IGLL5: variants seen among roughly 807,000 people sequenced by gnomAD.
IGLL5 encodes immunoglobulin lambda-like polypeptide 5.
IGLL5 carries 30 observed loss-of-function variants against 20.9 expected under a neutral mutation model. That is an observed-to-expected ratio of 1.44 (90% confidence interval 1.07 to 1.95). The LOEUF (loss-of-function observed/expected upper bound fraction) is 1.95. Ranked by LOEUF, IGLL5 falls within the 30% of genes most tolerant of loss-of-function variation. IGLL5 has a pLI of 0.00. For missense variants in IGLL5, 475 were observed against 270.7 expected (o/e 1.75, Z -5.30); for synonymous variants, 203 against 117.3 (o/e 1.73, Z -4.72).
At position 22,895,617 on chromosome 22, in the gene IGLL5, C is replaced by T. The variant is rs751423735; in HGVS notation, c.568C>T (p.His190Tyr). Residue 190 changes from histidine to tyrosine, a missense_variant, in exon 3 of 3, where the codon CAC (histidine) becomes TAC (tyrosine). Physicochemically the swap from His to Tyr is moderately conservative, Grantham distance 83. Coordinates refer to ENST00000526893, the MANE Select transcript of IGLL5 (RefSeq NM_001178126.2). ...LSLTPEQWKS[H>Y]RSYSCQVTHE... The stretch of plus-strand genomic sequence containing the variant: ...CCTGACGCCCGAGCAGTGGAAGTCC[C>T]ACAGAAGCTACAGCTGCCAGGTCAC... The T allele has an allele frequency of 3.1e-6, 5 of 1,613,204 alleles. No homozygotes were observed. The highest frequency in any genetic ancestry group is 1.1e-5 in the South Asian group (1 of 91,036).
intron 1 of IGLL5, among the ~76,000 whole-genome samples, chr22:22,888,532 A>C (rs193009573): frequency 6.6e-6 from 1 of 151,406 alleles, no homozygotes; most frequent in South Asian, 2.1e-4. Flanking sequence ...TCAATCACCT[A>C]GTCCTAGTCC....
intron 2 of IGLL5, among the ~76,000 whole-genome samples, chr22:22,894,062 G>A (rs1388452720): frequency 1.2e-4 from 18 of 151,334 alleles, no homozygotes; most frequent in South Asian, 4.2e-4. Flanking sequence ...CAGGGTCAGG[G>A]CTCCTCCTCT....
At position 22,888,350 on chromosome 22, in the gene IGLL5, G is replaced by A. The variant is rs117262779; in HGVS notation, c.206+91G>A. 15 of 1,260,074 alleles carry A rather than the reference G, an allele frequency of 1.2e-5. 1 individual carries two copies. Among genetic ancestry groups the A allele is most frequent in the Admixed American group, 8.7e-5 (4 of 45,730 alleles). 78.1% of individuals were successfully genotyped at this position (1,260,074 alleles called of 1,614,324 possible). On this transcript the variant is annotated intron_variant, in intron 1 of 2. Coordinates refer to ENST00000526893, the MANE Select transcript of IGLL5 (RefSeq NM_001178126.2). ...GGGAGACAAGCCAGAGGAGTGAGGA[G>A]GAAGGTTAACCCCTAAGAGGGGCCT...
Position 22,895,571 on chromosome 22 carries a change from C to G in IGLL5, c.522C>G (p.Tyr174Ter), listed in dbSNP as rs61731678. The G allele has an allele frequency of 6.2e-7, 1 of 1,613,160 alleles. No homozygotes were observed. The highest frequency in any genetic ancestry group is 1.1e-5 in the South Asian group (1 of 91,020). Residue 174 changes from tyrosine (Y) to a stop codon, truncating the protein, a stop_gained, in exon 3 of 3, where the codon TAC becomes TAG. Coordinates refer to ENST00000526893, the MANE Select transcript of IGLL5 (RefSeq NM_001178126.2). LOFTEE classifies it high-confidence loss of function. Reference sequence around the variant, plus strand: ...CCTCCAAACAGAGCAACAACAAGTACGCGGCCAGCAGCTACCTGAGCCTGA... The same window carrying G: ...CCTCCAAACAGAGCAACAACAAGTAGGCGGCCAGCAGCTACCTGAGCCTGA... ...TKPSKQSNNK[Y>*]AASSYLSLTP... is the part of the protein sequence containing the mutation.
chr22:22,890,344 C>CAG (rs1569083502), intron 1 of IGLL5, among the ~76,000 whole-genome samples: 2 of 144,434 alleles, frequency 1.4e-5, no homozygotes, highest in South Asian at 2.3e-4. Flanking sequence ...CACACACACA[C>CAG]AGTTGGTGCT....
Position 22,887,926 on chromosome 22 carries a change from G to T in IGLL5, c.-128G>T. Reference sequence around the variant, plus strand: ...AGGGACAGGGACCAGAGCCAGTCCAGGGAGAGGACAGAGCCAATGGACTGG... The same window carrying T: ...AGGGACAGGGACCAGAGCCAGTCCATGGAGAGGACAGAGCCAATGGACTGG... On this transcript the variant is annotated 5_prime_UTR_variant, in exon 1 of 3. It adds an upstream start codon to the 5' untranslated region. Coordinates refer to ENST00000526893, the MANE Select transcript of IGLL5 (RefSeq NM_001178126.2). 1.3e-6 allele frequency: 1 copy of T among 783,868 alleles called. No individual in the cohort carries two copies. The highest frequency in any genetic ancestry group is 2.2e-6 in the Non-Finnish European group (1 of 453,102). The allele number at this position is 783,868 out of a possible 1,614,324, so 48.6% of individuals were successfully genotyped here.
chr22:22,888,971 C>G (rs569121082), intron 1 of IGLL5, among the ~76,000 whole-genome samples: 2 of 151,294 alleles, frequency 1.3e-5, no homozygotes, highest in African/African-American at 2.4e-5. Flanking sequence ...GAGGAGAGCA[C>G]AGGATGAGGC....
chr22:22,888,407 A>C (rs148123510), intron 1 of IGLL5, 148 bp downstream of exon 1: 18 of 644,568 alleles, frequency 2.8e-5, no homozygotes, highest in Middle Eastern at 4.3e-4. Flanking sequence ...ATGGGTTGAT[A>C]TTTTGTCCAT....
intron 2 of IGLL5, among the ~76,000 whole-genome samples, chr22:22,894,471 G>A (rs2068035865): frequency 6.6e-6 from 1 of 151,448 alleles, no homozygotes; most frequent in Admixed American, 6.6e-5. Context: ...CACCAGAAAG[G>A]AGACAGTCTC....
chr22:22,889,321 CACGCTCGGGGACTGTCTAT>C (rs2067707173), intron 1 of IGLL5, among the ~76,000 whole-genome samples: 1 of 150,982 alleles, frequency 6.6e-6, no homozygotes, highest in African/African-American at 2.4e-5. Flanking sequence ...GGGGAGCAGA[CACGCTCGGGGACTGTCTAT>C]GGGCATTAAA....
chr22:22,889,976 G>A (rs1461510460), intron 1 of IGLL5, among the ~76,000 whole-genome samples: 1 of 151,044 alleles, frequency 6.6e-6, no homozygotes, highest in African/African-American at 2.4e-5. Flanking sequence ...TGTCTGGCTG[G>A]CTGATGGGAT....
intron 1 of IGLL5, among the ~76,000 whole-genome samples, chr22:22,889,570 C>A (rs2067734382): frequency 6.6e-6 from 1 of 151,102 alleles, no homozygotes; most frequent in African/African-American, 2.4e-5. Context: ...TGTGAAAAAA[C>A]ACAATTGTAT....
chr22:22,894,351 C>G (rs2068020464), intron 2 of IGLL5, among the ~76,000 whole-genome samples: 2 of 151,340 alleles, frequency 1.3e-5, no homozygotes, highest in East Asian at 2.0e-4. Context: ...AGAGAGGGCT[C>G]TGGGTCTAGG....
intron 2 of IGLL5, 61 bp from the exon 3 acceptor site, chr22:22,895,314 G>A: frequency 6.8e-7 from 1 of 1,476,036 alleles, no homozygotes; most frequent in Non-Finnish European, 9.4e-7. Context: ...ACAGAGAGAG[G>A]GGCTCCACAA....
Position 22,887,961 on chromosome 22 carries a change from T to A in IGLL5, c.-93T>A, listed in dbSNP as rs563596478. ...AGAGCCAATGGACTGGGGTGTACTGTAACAGCCCTGCTGGCGAGAGGGACC... is the reference window on the plus strand; with the variant it reads ...AGAGCCAATGGACTGGGGTGTACTGAAACAGCCCTGCTGGCGAGAGGGACC... On this transcript the variant is annotated 5_prime_UTR_variant, in exon 1 of 3. An upstream open reading frame in the 5' UTR loses its in-frame stop. Transcript: ENST00000526893. 4 of 1,015,918 alleles carry A rather than the reference T, an allele frequency of 3.9e-6. No individual in the cohort carries two copies. The highest frequency in any genetic ancestry group is 3.2e-5 in the African/African-American group (2 of 62,310). The allele number at this position is 1,015,918 out of a possible 1,614,324, so 62.9% of individuals were successfully genotyped here.
chr22:22,888,991 C>A (rs2067673676), intron 1 of IGLL5, among the ~76,000 whole-genome samples: 2 of 151,364 alleles, frequency 1.3e-5, no homozygotes, highest in South Asian at 2.1e-4. Context: ...CTGGGAGCTC[C>A]TGGGTGACTG....
At position 22,888,145 on chromosome 22, in the gene IGLL5, T is replaced by G. The variant is rs552972168; in HGVS notation, c.92T>G (p.Leu31Arg). ...RQRWPLLLLG[L>R]AMVAHGLLRP... ...CGCTGGCCCCTGCTGCTGCTGGGTC[T>G]GGCCATGGTCGCCCATGGCCTGCTG... Residue 31 changes from leucine to arginine, a missense_variant, in exon 1 of 3, where the codon CTG becomes CGG. Transcript: ENST00000526893. The G allele has an allele frequency of 6.5e-7, 1 of 1,549,474 alleles. No homozygotes were observed. The highest frequency in any genetic ancestry group is 8.7e-7 in the Non-Finnish European group (1 of 1,146,804).
chr22:22,889,726 T>A (rs1601609624), intron 1 of IGLL5, among the ~76,000 whole-genome samples: 1 of 151,266 alleles, frequency 6.6e-6, no homozygotes, highest in Admixed American at 6.6e-5. Context: ...TAGCTAGGAC[T>A]ACAGATGCAG....
At chr22:22,889,163 G>A (rs1429083866) in intron 1 of IGLL5, among the ~76,000 whole-genome samples, 3 of 151,072 alleles carry the variant, frequency 2.0e-5, no homozygotes, top group Non-Finnish European at 2.9e-5. Context: ...GAGGAGGGAG[G>A]AGAGGGGGTG....
Sources: gnomAD v4.1 joint callset for allele counts (sites outside exome capture counted in the v4.1 genomes callset) on GRCh38, gnomAD v4.1.1 for gene constraint, MANE v1.5 for transcripts, NCBI Gene and HGNC (gene_info 2026-07-23, HGNC 2026-07-21) for gene names.